The following NBAS variants were observed in gnomAD, a reference collection of about 807,000 sequenced individuals.
The protein encoded by NBAS is NBAS subunit of NRZ tethering complex.
A neutral mutation model predicts 302.5 loss-of-function variants in NBAS; 219 were observed. The observed-to-expected ratio is 0.72, with a 90% CI of 0.65 to 0.81. The LOEUF (loss-of-function observed/expected upper bound fraction) is 0.81. Ranked by LOEUF, NBAS falls within the 30% of genes least tolerant of loss-of-function variation. The pLI is 0.00. For synonymous variants in NBAS, 1,118 were observed against 1,021.6 expected (o/e 1.09, Z -1.80); for missense variants, 2,932 against 2,841.6 (o/e 1.03, Z -0.72).
intron 12 of NBAS, among the ~76,000 whole-genome samples, chr2:15,479,720 G>A (rs766111857): frequency 5.9e-5 from 9 of 152,122 alleles, no homozygotes; most frequent in African/African-American, 9.7e-5. Context: ...CACTAGAACC[G>A]GGGTCTGCAG....
chr2:14,848,629 C>A, the NBAS span, among the ~76,000 whole-genome samples: 1 of 139,812 alleles, frequency 7.2e-6, no homozygotes. Flanking sequence ...GGGCAGGGCA[C>A]AGACAAACAA....
chr2:15,017,939 A>T, the NBAS span, among the ~76,000 whole-genome samples: 1 of 152,126 alleles, frequency 6.6e-6, no homozygotes, highest in South Asian at 2.1e-4. Flanking sequence ...GTATATATAC[A>T]CAATTGAATA....
chr2:14,801,199 T>C, the NBAS span, among the ~76,000 whole-genome samples: 1 of 152,176 alleles, frequency 6.6e-6, no homozygotes, highest in Non-Finnish European at 1.5e-5. Flanking sequence ...GGTGTTTGTT[T>C]TGGGGAGGAT....
At chr2:15,382,558 G>T (rs897685597) in intron 29 of NBAS, among the ~76,000 whole-genome samples, 1 of 152,106 alleles carries the variant, frequency 6.6e-6, no homozygotes, top group African/African-American at 2.4e-5. Flanking sequence ...CCAGGCCAAG[G>T]GAACAACGTG....
intron 51 of NBAS, among the ~76,000 whole-genome samples, chr2:15,168,361 C>T (rs12465981): frequency 0.19 from 28,460 of 152,150 alleles, 3,443 homozygotes; most frequent in East Asian, 0.46. Context: ...TCAACTGTGT[C>T]TACTTGTCTA....
At chr2:15,309,488 C>A (rs1671183227) in intron 38 of NBAS, among the ~76,000 whole-genome samples, 1 of 152,126 alleles carries the variant, frequency 6.6e-6, no homozygotes, top group African/African-American at 2.4e-5. Flanking sequence ...TCTGTCAGGG[C>A]AGCTGCAAAG....
In NBAS at chr2:15,424,765, G is replaced by A. The variant is rs143708679; in HGVS notation, c.2424-297C>T. 5.5e-3 allele frequency among the ~76,000 whole-genome samples: 842 copies of A among 152,212 alleles called. 10 individuals carry two copies. The highest frequency in any genetic ancestry group is 0.018 in the African/African-American group (733 of 41,538). On this transcript the variant is annotated intron_variant, in intron 22 of 51. Transcript: ENST00000281513. ...AGTACTAACAAAATCAAAAATCACC[G>A]AGGGAAGCTTTTACAAAATATACAC...
chr2:15,205,230 C>A (rs1401397437), intron 48 of NBAS, among the ~76,000 whole-genome samples: 2 of 151,682 alleles, frequency 1.3e-5, no homozygotes, highest in African/African-American at 2.4e-5. Context: ...GCATGGATAA[C>A]CTCAAATCAA....
chr2:15,470,289 T>C (rs1021271150), intron 16 of NBAS, among the ~76,000 whole-genome samples: 1 of 152,194 alleles, frequency 6.6e-6, no homozygotes, highest in Non-Finnish European at 1.5e-5. Context: ...CTTCCTCTGC[T>C]TCCACAGTCA....
chr2:15,476,442 G>T (rs938032786), intron 13 of NBAS, among the ~76,000 whole-genome samples: 12 of 152,072 alleles, frequency 7.9e-5, no homozygotes, highest in African/African-American at 2.9e-4. Flanking sequence ...TGAATTATGG[G>T]CCGGGCACAG....
chr2:15,089,804 A>C, the NBAS span, among the ~76,000 whole-genome samples: 1 of 128,006 alleles, frequency 7.8e-6, no homozygotes, highest in Non-Finnish European at 1.5e-5. Flanking sequence ...GCTGGAGTGC[A>C]GTGGCACAAT....
At chr2:14,850,457 T>G in the NBAS span, among the ~76,000 whole-genome samples, 16 of 95,846 alleles carry the variant, frequency 1.7e-4, 1 homozygote, top group South Asian at 4.3e-3. Context: ...CAAAGAGACT[T>G]AGACTCCCAC....
the NBAS span, among the ~76,000 whole-genome samples, chr2:14,810,762 G>T: frequency 3.9e-5 from 6 of 152,214 alleles, no homozygotes; most frequent in Non-Finnish European, 7.3e-5. Flanking sequence ...AAGCATGGTG[G>T]TGTCTGGCAC....
intron 28 of NBAS, among the ~76,000 whole-genome samples, chr2:15,388,409 A>G (rs1282121326): frequency 1.3e-5 from 2 of 152,162 alleles, no homozygotes; most frequent in Non-Finnish European, 2.9e-5. Flanking sequence ...AAAGAAATGC[A>G]TATTTTAAAA....
intron 48 of NBAS, 114 bp from the exon 49 acceptor site, chr2:15,190,517 A>C: frequency 8.0e-7 from 1 of 1,249,148 alleles, no homozygotes; most frequent in Non-Finnish European, 1.1e-6. Context: ...ACAATGTGTT[A>C]AGATTCAACA....
chr2:14,792,529 G>A, the NBAS span, among the ~76,000 whole-genome samples: 461 of 152,182 alleles, frequency 3.0e-3, 3 homozygotes, highest in African/African-American at 0.011. Context: ...TTCAATATTT[G>A]AGGTATGACT....
chr2:15,086,848 A>G, the NBAS span, among the ~76,000 whole-genome samples: 1 of 152,200 alleles, frequency 6.6e-6, no homozygotes, highest in Non-Finnish European at 1.5e-5. Context: ...GGATGTTTCT[A>G]TGAGAGTGTT....
chr2:15,494,440 T>C (rs537851988), intron 11 of NBAS, among the ~76,000 whole-genome samples: 10 of 152,336 alleles, frequency 6.6e-5, no homozygotes, highest in Non-Finnish European at 8.8e-5. Flanking sequence ...TTTCTAAATA[T>C]AGAAGTTAGT....
intron 21 of NBAS, among the ~76,000 whole-genome samples, chr2:15,447,902 G>A (rs1226291245): frequency 6.6e-6 from 1 of 152,162 alleles, no homozygotes; most frequent in African/African-American, 2.4e-5. Flanking sequence ...TCAAGGGTTT[G>A]GTTTCTGGTG....
Sources: allele counts gnomAD v4.1 joint callset (sites outside exome capture counted in the v4.1 genomes callset), GRCh38; gene constraint gnomAD v4.1.1; transcripts MANE v1.5; gene names NCBI Gene and HGNC (gene_info 2026-07-23, HGNC 2026-07-21).